The following MYH10 variants were observed in gnomAD, a reference collection of about 807,000 sequenced individuals.
MYH10 encodes the protein myosin-10.
Under a neutral mutation model 257.8 loss-of-function variants are expected in MYH10, and 55 were observed. The ratio of observed to expected loss-of-function variants is 0.21; its 90% CI spans 0.17 to 0.27. The LOEUF is 0.27. Among genes scored for constraint, MYH10 ranks in the 10% least tolerant of loss-of-function variants. The probability of loss-of-function intolerance (pLI) is 1.00; values close to 1 mark genes in which losing one functional copy is unlikely to be tolerated. For synonymous variants in MYH10, 854 were observed against 921.7 expected (o/e 0.93, Z 1.33); for missense variants, 1,631 against 2,500.6 (o/e 0.65, Z 7.42).
intron 1 of MYH10, among the ~76,000 whole-genome samples, chr17:8,627,034 G>T (rs1359507298): frequency 2.6e-5 from 4 of 152,090 alleles, no homozygotes; most frequent in Admixed American, 6.5e-5. Context: ...TTTCTAGATG[G>T]GGAAATGCTT....
chr17:8,629,994 C>T (rs2085847496), intron 1 of MYH10, among the ~76,000 whole-genome samples: 1 of 151,988 alleles, frequency 6.6e-6, no homozygotes, highest in African/African-American at 2.4e-5. Context: ...CCTCCTGTCC[C>T]TCCACCCACG....
At chr17:8,557,916 C>T (rs980600794) in intron 7 of MYH10, among the ~76,000 whole-genome samples, 3 of 152,174 alleles carry the variant, frequency 2.0e-5, no homozygotes, top group African/African-American at 7.2e-5. Context: ...CTGCAATGCC[C>T]TCTAGCCTAG....
At chr17:8,503,315 T>TAAAATA (rs386385593) in intron 28 of MYH10, among the ~76,000 whole-genome samples, 2 of 151,446 alleles carry the variant, frequency 1.3e-5, no homozygotes, top group East Asian at 3.9e-4. Flanking sequence ...TAAAATAAAA[T>TAAAATA]AAAAAAGTGG....
intron 3 of MYH10, among the ~76,000 whole-genome samples, chr17:8,595,773 T>C (rs780231389): frequency 3.3e-5 from 3 of 91,426 alleles, no homozygotes; most frequent in Non-Finnish European, 4.4e-5. Flanking sequence ...GGTTTTACCA[T>C]ATCTTACAGC....
At position 8,545,167 on chromosome 17, in the gene MYH10, T is replaced by C. The variant is rs1241179868; in HGVS notation, c.1431+281A>G. 6.6e-6 allele frequency among the ~76,000 whole-genome samples: 1 copy of C among 152,234 alleles called. No individual in the cohort carries two copies. Among genetic ancestry groups the C allele is most frequent in the African/African-American group, 2.4e-5 (1 of 41,466 alleles). ...CGGGAAACTGACCGAGGCTGGCAGCTTCTCATCCTTCAAGTAAGCCTAACT... is the reference window on the plus strand; with the variant it reads ...CGGGAAACTGACCGAGGCTGGCAGCCTCTCATCCTTCAAGTAAGCCTAACT... On this transcript the variant is annotated intron_variant, in intron 13 of 42. Transcript: ENST00000360416. This position sits in a 1 kb window ranked among gnomAD's most constrained non-coding sequence, Gnocchi z 4.7.
At position 8,570,218 on chromosome 17, in the gene MYH10, AATTT is replaced by A. The variant is rs1207739533; in HGVS notation, c.664-410_664-407del. Among the ~76,000 whole-genome samples, 8 of 152,334 alleles carry A rather than the reference AATTT, an allele frequency of 5.3e-5. No homozygotes were observed. The East Asian group carries it at 1.5e-3, about 29-fold the overall frequency. ...CTTATTTGAAAACTTTAAGGCAGTT[AATTT>A]AACAGTTACCACTGTATTGATGTAG... On this transcript the variant is annotated intron_variant, in intron 6 of 42. Transcript: ENST00000360416.
intron 2 of MYH10, among the ~76,000 whole-genome samples, chr17:8,606,020 A>G (rs2084786249): frequency 6.6e-6 from 1 of 152,154 alleles, no homozygotes; most frequent in African/African-American, 2.4e-5. Flanking sequence ...TTAACTTGTC[A>G]TGATTAACTA....
At chr17:8,508,821 T>C in intron 25 of MYH10, 144 bp from the exon 26 acceptor site, 1 of 855,620 alleles carries the variant, frequency 1.2e-6, no homozygotes, top group Non-Finnish European at 1.8e-6. Flanking sequence ...CACAATCACA[T>C]GCTGCAGAAC....
chr17:8,494,038 C>T, intron 31 of MYH10, 153 bp from the exon 32 acceptor site: 1 of 866,008 alleles, frequency 1.2e-6, no homozygotes, highest in Non-Finnish European at 1.7e-6. Context: ...TAAAAACACA[C>T]ACGATAACTT....
intron 1 of MYH10, among the ~76,000 whole-genome samples, chr17:8,624,259 T>A (rs2085586987): frequency 6.6e-6 from 1 of 152,156 alleles, no homozygotes; most frequent in Non-Finnish European, 1.5e-5. Context: ...CTAAGCTATG[T>A]CCCCTCCTCT....
intron 35 of MYH10, 94 bp from the exon 36 acceptor site, chr17:8,487,688 G>GGTGA (rs2151803133): frequency 6.9e-7 from 1 of 1,440,348 alleles, no homozygotes; most frequent in Non-Finnish European, 9.6e-7. Context: ...TGGTTACTCG[G>GGTGA]GTGAGTGGAA....
At chr17:8,581,616 C>A (rs1040612195) in intron 4 of MYH10, among the ~76,000 whole-genome samples, 1 of 152,166 alleles carries the variant, frequency 6.6e-6, no homozygotes, top group East Asian at 1.9e-4. Flanking sequence ...ACATTCAAAA[C>A]CTTACTGTTG....
chr17:8,590,807 C>T (rs2084099367), intron 3 of MYH10, among the ~76,000 whole-genome samples: 1 of 151,814 alleles, frequency 6.6e-6, no homozygotes, highest in South Asian at 2.1e-4. Flanking sequence ...CCTTTGGCCT[C>T]GATCCAGCTT....
chr17:8,611,653 C>G (rs984954673), intron 2 of MYH10, among the ~76,000 whole-genome samples: 9 of 152,118 alleles, frequency 5.9e-5, no homozygotes, highest in African/African-American at 2.2e-4. Flanking sequence ...CTAGATACAG[C>G]TGAAGAAACA....
chr17:8,565,201 T>C (rs1403124109), intron 7 of MYH10, among the ~76,000 whole-genome samples: 1 of 152,240 alleles, frequency 6.6e-6, no homozygotes, highest in African/African-American at 2.4e-5. Flanking sequence ...TTTGGAGATA[T>C]CAATTAAGCT....
At chr17:8,526,664 C>T (rs1162592547) in intron 17 of MYH10, among the ~76,000 whole-genome samples, 2 of 152,150 alleles carry the variant, frequency 1.3e-5, no homozygotes, top group African/African-American at 4.8e-5. Flanking sequence ...TCGTCTATCT[C>T]ATCATGAAAC....
At chr17:8,495,355 A>G in intron 30 of MYH10, 114 bp from the exon 31 acceptor site, 3 of 664,356 alleles carry the variant, frequency 4.5e-6, no homozygotes, top group Non-Finnish European at 7.9e-6. Context: ...TGAACCTGAA[A>G]CTACCCATTC....
chr17:8,569,848 T>TGTAC lies in MYH10; in HGVS notation c.664-40_664-37dup. The TGTAC allele has an allele frequency of 1.3e-6, 2 of 1,483,890 alleles. No individual in the cohort carries two copies. The highest frequency in any genetic ancestry group is 1.9e-6 in the Non-Finnish European group (2 of 1,079,916). The allele number at this position is 1,483,890 out of a possible 1,614,324, so 91.9% of individuals were successfully genotyped here. On this transcript the variant is annotated intron_variant, in intron 6 of 42. Coordinates refer to ENST00000360416, the MANE Select transcript of MYH10 (RefSeq NM_001256012.3). This position sits in a 1 kb window ranked among gnomAD's most constrained non-coding sequence, Gnocchi z 4.1. ...TTACACACACACAAATAAAAGCAGATGTACGTTAATCTAATGTCTTTACTC... is the reference window on the plus strand; with the variant it reads ...TTACACACACACAAATAAAAGCAGATGTACGTACGTTAATCTAATGTCTTTACTC...
intron 24 of MYH10, among the ~76,000 whole-genome samples, chr17:8,510,540 T>C (rs756318238): frequency 3.3e-5 from 5 of 152,200 alleles, no homozygotes; most frequent in East Asian, 3.8e-4. Context: ...ATTTATAATA[T>C]TGAGTAACTA....
Sources: gnomAD v4.1 joint callset for allele counts (sites outside exome capture counted in the v4.1 genomes callset) on GRCh38, gnomAD v4.1.1 for gene constraint, Gnocchi (gnomAD v3.1) non-coding constraint, MANE v1.5 for transcripts, NCBI Gene and HGNC (gene_info 2026-07-23, HGNC 2026-07-21) for gene names.